The following USP24 variants were observed in gnomAD, a reference collection of about 807,000 sequenced individuals.
USP24 encodes the protein ubiquitin carboxyl-terminal hydrolase 24.
Under a neutral mutation model 361.6 loss-of-function variants are expected in USP24, and 97 were observed. That is an observed-to-expected ratio of 0.27 (90% CI 0.23 to 0.32). The LOEUF (loss-of-function observed/expected upper bound fraction) is 0.32, where lower values mean the gene tolerates loss of function less well. Ranked by LOEUF, USP24 falls within the 10% of genes least tolerant of loss-of-function variation. USP24 has a pLI of 1.00. For synonymous variants in USP24, 1,098 were observed against 1,124.6 expected (o/e 0.98, Z 0.47); for missense variants, 2,353 against 3,165.6 (o/e 0.74, Z 6.16).
Position 55,079,576 on chromosome 1 carries a change from A to G in USP24, c.7162T>C (p.Leu2388=). The change falls in exon 60 of 68, where the codon TTG becomes CTG. Residue 2388 remains leucine, a synonymous_variant. Coordinates refer to ENST00000294383, the MANE Select transcript of USP24 (RefSeq NM_015306.3). The part of the protein sequence containing the change: ...LLPLHEEVEA[L]LFMSEGKPYL... ...GGTTTCCCTTCAGACATGAACAACA[A>G]GGCTTCTACCTCCTCATGGAGGGGC... The G allele has an allele frequency of 1.9e-6, 3 of 1,576,746 alleles. No homozygotes were observed. The highest frequency in any genetic ancestry group is 2.6e-6 in the Non-Finnish European group (3 of 1,167,698).
intron 1 of USP24, among the ~76,000 whole-genome samples, chr1:55,189,991 C>T (rs796869052): frequency 5.3e-5 from 8 of 151,458 alleles, no homozygotes; most frequent in African/African-American, 1.9e-4. Flanking sequence ...ATGGTGAAAC[C>T]CCATCTCTAC....
chr1:55,176,921 C>G (rs1434768339), intron 2 of USP24, among the ~76,000 whole-genome samples: 1 of 151,886 alleles, frequency 6.6e-6, no homozygotes. Flanking sequence ...CACAGTGAAA[C>G]CCCGTCCCTA....
At chr1:55,098,604 T>C in intron 45 of USP24, 46 bp from the exon 46 acceptor site, 1 of 1,358,838 alleles carries the variant, frequency 7.4e-7, no homozygotes, top group Non-Finnish European at 1.0e-6. Context: ...CTCCTGAACT[T>C]ATGAGTATAC....
In USP24 at chr1:55,089,705, G is replaced by C; in HGVS notation, c.6590C>G (p.Ala2197Gly). The change falls in exon 55 of 68, where the codon GCA becomes GGA. Residue 2197 changes from alanine to glycine, a missense_variant. This residue lies in a region of USP24 where 598 missense variants were observed against 761.9 expected (regional missense o/e 0.78). Transcript: ENST00000294383. ...DTEEWIATIEALLSKSFDACQ... is the reference protein window; with the variant it reads ...DTEEWIATIEGLLSKSFDACQ... The stretch of plus-strand genomic sequence containing the variant: ...AGCATCAAAACTTTTTGAAAGCAAT[G>C]CTTCAATGGTAGCAATCCATTCTTC... The C allele has an allele frequency of 6.2e-7, 1 of 1,603,760 alleles. No individual in the cohort carries two copies.
At chr1:55,154,333 A>G (rs781023713) in intron 14 of USP24, 38 bp downstream of exon 14, 39 of 1,563,208 alleles carry the variant, frequency 2.5e-5, no homozygotes, top group Non-Finnish European at 3.1e-5. Context: ...AGCTGCTTTG[A>G]GCATTTGTAG....
chr1:55,137,451 G>C lies in USP24; in HGVS notation c.3201+64C>G, dbSNP rs868630499. 5.9e-6 allele frequency: 9 copies of C among 1,531,134 alleles called. No homozygotes were observed. In the Middle Eastern group the frequency reaches 1.4e-3, roughly 237 times the overall value. The allele number at this position is 1,531,134 out of a possible 1,614,324, so 94.8% of individuals were successfully genotyped here. A position where few individuals can be genotyped will look rare whatever the true frequency, so the allele number is the denominator to read the frequency against. On this transcript the variant is annotated intron_variant, in intron 28 of 67. Transcript: ENST00000294383. ...AGCATTTGTTATACAGTTTGGAAGA[G>C]TCAGAACAAAAAGACAGTGACTGTT...
At chr1:55,114,676 A>C (rs1646052142) in intron 38 of USP24, among the ~76,000 whole-genome samples, 1 of 152,204 alleles carries the variant, frequency 6.6e-6, no homozygotes, top group Non-Finnish European at 1.5e-5. Context: ...GTTTTTGGGA[A>C]AACTGTCTAG....
intron 1 of USP24, among the ~76,000 whole-genome samples, chr1:55,185,436 A>G (rs1462331875): frequency 2.6e-5 from 4 of 152,038 alleles, no homozygotes; most frequent in African/African-American, 9.6e-5. Flanking sequence ...TAATAAATAA[A>G]ACCAAAAGTT....
chr1:55,130,793 T>G (rs1489501118), intron 31 of USP24, among the ~76,000 whole-genome samples: 6 of 152,198 alleles, frequency 3.9e-5, no homozygotes, highest in African/African-American at 1.4e-4. Context: ...ATATTCACTT[T>G]GAAGTTTCCT....
intron 1 of USP24, among the ~76,000 whole-genome samples, chr1:55,182,106 T>C (rs751668468): frequency 6.6e-6 from 1 of 152,164 alleles, no homozygotes; most frequent in Non-Finnish European, 1.5e-5. Context: ...GGCTGGAGTG[T>C]AGTGGCACAA....
At chr1:55,175,545 A>C (rs1649896233) in intron 3 of USP24, among the ~76,000 whole-genome samples, 1 of 152,054 alleles carries the variant, frequency 6.6e-6, no homozygotes, top group African/African-American at 2.4e-5. Context: ...TCTTAAGATA[A>C]ACGCAAACAT....
chr1:55,079,827 T>C (rs996434782), intron 59 of USP24, among the ~76,000 whole-genome samples, 168 bp from the exon 60 acceptor site: 1 of 126,768 alleles, frequency 7.9e-6, no homozygotes, highest in African/African-American at 2.6e-5. Context: ...GCAGAGTACT[T>C]GCACACACAG....
intron 24 of USP24, 60 bp downstream of exon 24, chr1:55,141,556 C>T (rs1189016445): frequency 2.8e-6 from 4 of 1,410,044 alleles, no homozygotes; most frequent in South Asian, 2.5e-5. Context: ...ATAAAAAACA[C>T]CAATCATTTT....
At chr1:55,114,248 C>T (rs914063515) in intron 38 of USP24, among the ~76,000 whole-genome samples, 4 of 152,182 alleles carry the variant, frequency 2.6e-5, no homozygotes, top group African/African-American at 9.7e-5. Context: ...AGAGAGGACA[C>T]AAACAAATGG....
intron 65 of USP24, 43 bp downstream of exon 65, chr1:55,072,743 T>C (rs1570331387): frequency 1.3e-6 from 2 of 1,536,980 alleles, no homozygotes; most frequent in East Asian, 2.4e-5. Flanking sequence ...TGTGCTATTA[T>C]TGATTCCTAT....
chr1:55,212,917 C>T (rs755181410), intron 1 of USP24, among the ~76,000 whole-genome samples: 1 of 152,154 alleles, frequency 6.6e-6, no homozygotes, highest in Non-Finnish European at 1.5e-5. Context: ...CTGCCATTCA[C>T]GTAAGAAGCC....
intron 31 of USP24, among the ~76,000 whole-genome samples, chr1:55,131,983 C>T (rs1003196293): frequency 6.6e-6 from 1 of 152,202 alleles, no homozygotes; most frequent in Non-Finnish European, 1.5e-5. Context: ...GCCATCCAGA[C>T]TCAGTATATC....
chr1:55,138,247 C>G (rs1646792544), intron 26 of USP24, among the ~76,000 whole-genome samples: 1 of 152,150 alleles, frequency 6.6e-6, no homozygotes, highest in Non-Finnish European at 1.5e-5. Flanking sequence ...TTCTCCCAAG[C>G]AAACGTCATT....
At chr1:55,074,543 AG>A (rs1206990120) in intron 63 of USP24, among the ~76,000 whole-genome samples, 1 of 152,062 alleles carries the variant, frequency 6.6e-6, no homozygotes, top group African/African-American at 2.4e-5. Context: ...CTGAGGTGGG[AG>A]GATCACTTGA....
Sources: gnomAD v4.1 joint callset for allele counts (sites outside exome capture counted in the v4.1 genomes callset) on GRCh38, gnomAD v4.1.1 for gene constraint, gnomAD v4.1.1 regional missense constraint, MANE v1.5 for transcripts, NCBI Gene and HGNC (gene_info 2026-07-23, HGNC 2026-07-21) for gene names.